COL13A1: variants seen among roughly 807,000 people sequenced by gnomAD.
COL13A1 encodes collagen alpha-1(XIII) chain.
COL13A1 carries 89 observed loss-of-function variants against 130.9 expected under a neutral mutation model. That is an observed-to-expected ratio of 0.68 (90% CI 0.57 to 0.81). COL13A1 has a LOEUF of 0.81. COL13A1 is among the 30% of genes least tolerant of loss of function. The pLI, the probability that COL13A1 is intolerant of heterozygous loss-of-function variation, is 0.00. For missense variants in COL13A1, 879 were observed against 934.6 expected (o/e 0.94, Z 0.78); for synonymous variants, 402 against 341.6 (o/e 1.18, Z -1.95).
At chr10:69,905,915 A>C in intron 17 of COL13A1, 93 bp downstream of exon 17, 1 of 1,433,596 alleles carries the variant, frequency 7.0e-7, no homozygotes, top group Non-Finnish European at 9.6e-7. Context: ...CTCCCTTCCA[A>C]CCTAGGTGGC....
chr10:69,805,980 T>C (rs986971897), intron 1 of COL13A1, among the ~76,000 whole-genome samples: 10 of 152,270 alleles, frequency 6.6e-5, no homozygotes, highest in Non-Finnish European at 1.5e-4. Flanking sequence ...GGATTCTAGC[T>C]GGGCTTTGCC....
At chr10:69,888,909 A>C (rs753204376) in intron 9 of COL13A1, among the ~76,000 whole-genome samples, 7 of 152,166 alleles carry the variant, frequency 4.6e-5, no homozygotes, top group Non-Finnish European at 7.4e-5. Context: ...GTCAGCTGGA[A>C]GGGAGCATGA....
intron 8 of COL13A1, among the ~76,000 whole-genome samples, chr10:69,887,947 G>T (rs956038765): frequency 3.3e-5 from 5 of 152,130 alleles, no homozygotes; most frequent in African/African-American, 1.2e-4. Context: ...AGAGGGAGCA[G>T]TTCCCCCTTT....
chr10:69,895,730 G>A (rs2061568995), intron 13 of COL13A1, among the ~76,000 whole-genome samples, 154 bp downstream of exon 13: 1 of 152,204 alleles, frequency 6.6e-6, no homozygotes, highest in Non-Finnish European at 1.5e-5. Flanking sequence ...TCAGAGAGGG[G>A]AGCTTGGGAT....
chr10:69,856,957 A>C (rs1856603109), intron 2 of COL13A1, among the ~76,000 whole-genome samples: 2 of 150,730 alleles, frequency 1.3e-5, no homozygotes, highest in South Asian at 4.2e-4. Context: ...ATTGATTTCC[A>C]CCTCGCCCAC....
intron 33 of COL13A1, among the ~76,000 whole-genome samples, 163 bp from the exon 34 acceptor site, chr10:69,937,472 G>A (rs760962345): frequency 2.6e-5 from 4 of 152,176 alleles, no homozygotes; most frequent in Non-Finnish European, 5.9e-5. Flanking sequence ...TAACTGAGGC[G>A]AGAGTAGGCT....
In COL13A1 at chr10:69,877,488, T is replaced by C. The variant is rs145317907; in HGVS notation, c.436-551T>C. On this transcript the variant is annotated intron_variant, in intron 5 of 40. Coordinates refer to ENST00000645393, the MANE Select transcript of COL13A1 (RefSeq NM_001368882.1). ...TGGTGTTCAGCTGGACCTGCAAACC[T>C]CCTAGACACCAGCATCACAACACAG... 790 of 153,266 alleles carry C rather than the reference T, an allele frequency of 5.2e-3. 3 individuals carry two copies. The highest frequency in any genetic ancestry group is 0.018 in the African/African-American group (745 of 41,496). The allele number at this position is 153,266 out of a possible 1,614,324, so 9.5% of individuals were successfully genotyped here. A position where few individuals can be genotyped will look rare whatever the true frequency, so the allele number is the denominator to read the frequency against.
chr10:69,946,253 G>A (rs933819145), intron 37 of COL13A1, among the ~76,000 whole-genome samples: 6 of 152,246 alleles, frequency 3.9e-5, no homozygotes, highest in African/African-American at 7.2e-5. Context: ...CTGCCATGGG[G>A]ACCCTGTAAT....
At chr10:69,847,300 T>C (rs2133405581) in intron 2 of COL13A1, among the ~76,000 whole-genome samples, 1 of 152,298 alleles carries the variant, frequency 6.6e-6, no homozygotes, top group South Asian at 2.1e-4. Context: ...TGGACCACTG[T>C]CCAAACTGTT....
chr10:69,816,168 T>TCA (rs1301753592), intron 1 of COL13A1, among the ~76,000 whole-genome samples: 3 of 148,892 alleles, frequency 2.0e-5, no homozygotes, highest in Non-Finnish European at 3.0e-5. Flanking sequence ...TAGAAGGTTA[T>TCA]CACAGTAATT....
chr10:69,904,680 G>GAGCACAGCAGAATGGGTT (rs879470843), intron 15 of COL13A1, among the ~76,000 whole-genome samples: 12 of 152,306 alleles, frequency 7.9e-5, no homozygotes, highest in African/African-American at 2.6e-4. Flanking sequence ...TTCCATGGGT[G>GAGCACAGCAGAATGGGTT]AGCACAGCAG....
In COL13A1 at chr10:69,930,447, C is replaced by A; in HGVS notation, c.1578C>A (p.Gly526=). ...PGDMGPPGPQ[G]PPGKDGPPGV... is the part of the protein sequence containing the mutation. The stretch of plus-strand genomic sequence containing the variant: ...ACATGGGCCCTCCTGGTCCCCAAGG[C>A]CCCCCAGGAAAGGATGGACCTCCAG... Residue 526 remains glycine (G), a synonymous_variant, in exon 30 of 41, where the codon GGC becomes GGA. Coordinates refer to ENST00000645393, the MANE Select transcript of COL13A1 (RefSeq NM_001368882.1). 1 of 1,613,222 alleles carries A rather than the reference C, an allele frequency of 6.2e-7. No individual in the cohort carries two copies. Among genetic ancestry groups the A allele is most frequent in the Non-Finnish European group, 8.5e-7 (1 of 1,179,362 alleles).
chr10:69,947,398 G>T (rs2068720229), intron 38 of COL13A1, 56 bp downstream of exon 38: 2 of 1,490,902 alleles, frequency 1.3e-6, no homozygotes, highest in Admixed American at 2.0e-5. Context: ...ATGATGGGGT[G>T]GAATGATCGA....
intron 12 of COL13A1, among the ~76,000 whole-genome samples, chr10:69,895,005 C>T (rs931961817): frequency 6.6e-6 from 1 of 152,198 alleles, no homozygotes; most frequent in African/African-American, 2.4e-5. Context: ...TCCCTGACAC[C>T]TCCATGAGCC....
intron 40 of COL13A1, among the ~76,000 whole-genome samples, chr10:69,958,359 A>T (rs2071199043): frequency 6.6e-6 from 1 of 152,234 alleles, no homozygotes; most frequent in Admixed American, 6.5e-5. Context: ...AATGTCTTGG[A>T]GAAGCAACCA....
intron 40 of COL13A1, among the ~76,000 whole-genome samples, chr10:69,958,464 A>C (rs1589797834): frequency 6.6e-6 from 1 of 152,324 alleles, no homozygotes; most frequent in East Asian, 1.9e-4. Context: ...AGAGAAAGAG[A>C]GTGCCCTCTA....
rs370915506 is a variant in COL13A1 at position 69,918,276 on chromosome 10, C to A, written c.967-9C>A. 1 of 1,609,946 alleles carries A rather than the reference C, an allele frequency of 6.2e-7. No homozygotes were observed. The highest frequency in any genetic ancestry group is 8.5e-7 in the Non-Finnish European group (1 of 1,178,582). Reference sequence around the variant, plus strand: ...TGTCTTCAGACCTTTTTTTTTCTCTCTCTGCCAGGGGGCGCCCGGAATTGC... The same window carrying A: ...TGTCTTCAGACCTTTTTTTTTCTCTATCTGCCAGGGGGCGCCCGGAATTGC... On this transcript the variant is annotated splice_polypyrimidine_tract_variant and intron_variant, in intron 18 of 40. Coordinates refer to ENST00000645393, the MANE Select transcript of COL13A1 (RefSeq NM_001368882.1).
At chr10:69,809,956 C>G (rs1163670974) in intron 1 of COL13A1, among the ~76,000 whole-genome samples, 1 of 152,194 alleles carries the variant, frequency 6.6e-6, no homozygotes, top group Non-Finnish European at 1.5e-5. Context: ...CAGCCAGTGG[C>G]AAAGGCTTTT....
chr10:69,824,752 T>C (rs1847074302), intron 2 of COL13A1, among the ~76,000 whole-genome samples: 1 of 152,178 alleles, frequency 6.6e-6, no homozygotes, highest in Non-Finnish European at 1.5e-5. Context: ...CTGGAAGGGA[T>C]ACCCCTGCAT....
Sources: gnomAD v4.1 joint callset for allele counts (sites outside exome capture counted in the v4.1 genomes callset) on GRCh38, gnomAD v4.1.1 for gene constraint, MANE v1.5 for transcripts, NCBI Gene and HGNC (gene_info 2026-07-23, HGNC 2026-07-21) for gene names.